ODAD2: variants seen among roughly 807,000 people sequenced by gnomAD.
ODAD2 encodes the protein outer dynein arm-docking complex subunit 2.
In ODAD2, 89 loss-of-function variants were observed where a neutral mutation model predicts 106.8. The observed-to-expected ratio is 0.83, with a 90% confidence interval of 0.70 to 0.99. The LOEUF (loss-of-function observed/expected upper bound fraction) is 0.99, where lower values mean the gene tolerates loss of function less well. ODAD2 is among the 50% of genes least tolerant of loss of function. The probability of loss-of-function intolerance (pLI) is 0.00; values close to 1 mark genes in which losing one functional copy is unlikely to be tolerated. For missense variants in ODAD2, 1,168 were observed against 1,238.5 expected, an observed-to-expected ratio of 0.94 and a Z score of 0.85; for synonymous variants, 404 against 436.2, an observed-to-expected ratio of 0.93 and a Z score of 0.92.
intron 19 of ODAD2, chr10:27,853,353 C>G: frequency 3.8e-6 from 1 of 264,252 alleles, no homozygotes; most frequent in Non-Finnish European, 7.3e-6. Context: ...GGCGACATGG[C>G]GAGACTCTGT....
At chr10:27,920,112 C>T (rs141666010) in intron 16 of ODAD2, among the ~76,000 whole-genome samples, 2 of 151,992 alleles carry the variant, frequency 1.3e-5, no homozygotes, top group East Asian at 3.9e-4. Context: ...AAGAGATATC[C>T]CCAGAGTAGA....
rs1395755725 is a variant in ODAD2 at position 27,998,637 on chromosome 10, G to C, written c.-39+357C>G. On this transcript the variant is annotated intron_variant, in intron 1 of 19. Transcript: ENST00000305242. ...CGCGGGGAGGAAGGAGTGAGATGGG[G>C]CTGGGAGAGAGAAGGGAAGGGGGCG... Among the ~76,000 whole-genome samples, 6 of 152,058 alleles carry C rather than the reference G, an allele frequency of 3.9e-5. No individual in the cohort carries two copies. The East Asian group carries it at 5.9e-4, about 15-fold the overall frequency.
intron 9 of ODAD2, among the ~76,000 whole-genome samples, chr10:27,966,746 T>A (rs1488185348): frequency 6.6e-6 from 1 of 152,204 alleles, no homozygotes; most frequent in Admixed American, 6.5e-5. Context: ...CTTTACCTTA[T>A]CTATTACCCT....
At chr10:27,940,111 A>G (rs2132566026) in intron 13 of ODAD2, 104 bp from the exon 14 acceptor site, 1 of 713,554 alleles carries the variant, frequency 1.4e-6, no homozygotes, top group Non-Finnish European at 2.3e-6. Context: ...GGAAATAATC[A>G]CCATAGTCCA....
intron 17 of ODAD2, among the ~76,000 whole-genome samples, chr10:27,888,983 A>C (rs1354082317): frequency 1.3e-5 from 2 of 152,212 alleles, no homozygotes; most frequent in Non-Finnish European, 2.9e-5. Context: ...TCCAAAGCAC[A>C]ATGTAGCTGA....
intron 19 of ODAD2, among the ~76,000 whole-genome samples, chr10:27,835,054 C>T (rs149702286): frequency 5.3e-5 from 8 of 152,292 alleles, no homozygotes; most frequent in Non-Finnish European, 8.8e-5. Flanking sequence ...ACAGCACATC[C>T]GTACTTGTAG....
At chr10:27,894,638 G>A (rs1206892544) in intron 17 of ODAD2, among the ~76,000 whole-genome samples, 6 of 151,578 alleles carry the variant, frequency 4.0e-5, no homozygotes, top group South Asian at 2.1e-4. Flanking sequence ...GTGCAGTGGC[G>A]CAATCACGCC....
At chr10:27,926,496 A>G (rs566180454) in intron 16 of ODAD2, among the ~76,000 whole-genome samples, 1 of 152,276 alleles carries the variant, frequency 6.6e-6, no homozygotes, top group South Asian at 2.1e-4. Flanking sequence ...AGAAACCTTT[A>G]AAACACTCTT....
intron 10 of ODAD2, among the ~76,000 whole-genome samples, chr10:27,948,494 T>C (rs923449692): frequency 4.6e-5 from 7 of 152,194 alleles, no homozygotes; most frequent in Admixed American, 6.5e-5. Context: ...GCCATAAATA[T>C]CGAACTGAGA....
intron 16 of ODAD2, among the ~76,000 whole-genome samples, chr10:27,908,172 C>G (rs1010920295): frequency 6.6e-6 from 1 of 152,084 alleles, no homozygotes; most frequent in South Asian, 2.1e-4. Context: ...TTTATTTGGT[C>G]TATGTTTAAT....
intron 10 of ODAD2, among the ~76,000 whole-genome samples, chr10:27,946,050 TAATA>T (rs1364113626): frequency 6.7e-6 from 1 of 149,542 alleles, no homozygotes; most frequent in Middle Eastern, 3.3e-3. Flanking sequence ...ATTATATATA[TAATA>T]GATAAGGTAA....
At chr10:27,990,730 T>C (rs768686259) in intron 2 of ODAD2, among the ~76,000 whole-genome samples, 5 of 152,186 alleles carry the variant, frequency 3.3e-5, no homozygotes, top group Non-Finnish European at 5.9e-5. Flanking sequence ...ATGATATCGA[T>C]CACAAAGCTA....
chr10:27,847,508 G>T lies in ODAD2; in HGVS notation c.3021+13117C>A, dbSNP rs536066917. 2.0e-4 allele frequency among the ~76,000 whole-genome samples: 30 copies of T among 152,268 alleles called. 1 individual carries two copies. In the South Asian group the frequency reaches 6.2e-3, roughly 32 times the overall value. On this transcript the variant is annotated intron_variant, in intron 19 of 19. Transcript: ENST00000305242. Reference sequence around the variant, plus strand: ...AATGAAGCATTCCCTTTGAAAACTGGCACAAGACAGGGATGCCCTCTCTCA... The same window carrying T: ...AATGAAGCATTCCCTTTGAAAACTGTCACAAGACAGGGATGCCCTCTCTCA...
At chr10:27,984,536 TA>T (rs1283128051) in intron 4 of ODAD2, among the ~76,000 whole-genome samples, 1 of 152,198 alleles carries the variant, frequency 6.6e-6, no homozygotes, top group African/African-American at 2.4e-5. Context: ...ATTCTAACAC[TA>T]AAAATATTAG....
At chr10:27,919,485 A>T (rs1844624531) in intron 16 of ODAD2, among the ~76,000 whole-genome samples, 1 of 152,130 alleles carries the variant, frequency 6.6e-6, no homozygotes, top group South Asian at 2.1e-4. Flanking sequence ...CAATCCAATT[A>T]AAAATGGGCA....
intron 16 of ODAD2, among the ~76,000 whole-genome samples, chr10:27,931,118 T>TA (rs1025347244): frequency 4.1e-4 from 62 of 150,582 alleles, no homozygotes; most frequent in Non-Finnish European, 6.2e-4. Context: ...TCTGCTCTCT[T>TA]AAAAAAAAAG....
chr10:27,868,697 A>G (rs1840636619), intron 17 of ODAD2, among the ~76,000 whole-genome samples: 1 of 152,112 alleles, frequency 6.6e-6, no homozygotes, highest in South Asian at 2.1e-4. Flanking sequence ...GGAGGGAGGG[A>G]GAGCATCAGG....
At chr10:27,889,031 A>G (rs1842403532) in intron 17 of ODAD2, among the ~76,000 whole-genome samples, 1 of 152,236 alleles carries the variant, frequency 6.6e-6, no homozygotes, top group Non-Finnish European at 1.5e-5. Flanking sequence ...AGAAACAGAC[A>G]AAGCAGCATT....
chr10:27,948,779 A>ATTTTTTTTTTTTTTTTTTTTTTTTT (rs11451204), intron 10 of ODAD2, among the ~76,000 whole-genome samples: 3 of 40,326 alleles, frequency 7.4e-5, no homozygotes, highest in African/African-American at 1.0e-4. Context: ...TGGCCTTTGG[A>ATTTTTTTTTTTTTTTTTTTTTTTTT]TTTTTTTTTT....
Sources: allele counts gnomAD v4.1 joint callset (sites outside exome capture counted in the v4.1 genomes callset), GRCh38; gene constraint gnomAD v4.1.1; transcripts MANE v1.5; gene names NCBI Gene and HGNC (gene_info 2026-07-23, HGNC 2026-07-21).